Variants in IQCM observed in about 807,000 individuals in gnomAD.
IQCM encodes the protein IQ domain-containing protein M.
In IQCM, 45 loss-of-function variants were observed where a neutral mutation model predicts 57.6. The ratio of observed to expected loss-of-function variants is 0.78; its 90% CI spans 0.62 to 1.00. The LOEUF is 1.00. IQCM is among the 50% of genes least tolerant of loss of function. The pLI, the probability that IQCM is intolerant of heterozygous loss-of-function variation, is 0.00. For synonymous variants in IQCM, 148 were observed against 158.9 expected, an observed-to-expected ratio of 0.93 and a Z score of 0.51; for missense variants, 468 against 511.6, an observed-to-expected ratio of 0.91 and a Z score of 0.82.
intron 5 of IQCM, among the ~76,000 whole-genome samples, chr4:149,698,179 AAG>A (rs1478489827): frequency 1.3e-5 from 2 of 151,950 alleles, no homozygotes; most frequent in Non-Finnish European, 2.9e-5. Context: ...TTTAACTAAT[AAG>A]TTGTTATTGA....
chr4:149,720,390 A>G (rs1765349927), intron 5 of IQCM, among the ~76,000 whole-genome samples: 1 of 152,216 alleles, frequency 6.6e-6, no homozygotes, highest in Non-Finnish European at 1.5e-5. Flanking sequence ...TTCATATTTA[A>G]GATGCTATTA....
chr4:149,608,266 C>T (rs1167936917), intron 8 of IQCM, among the ~76,000 whole-genome samples: 1 of 151,818 alleles, frequency 6.6e-6, no homozygotes, highest in African/African-American at 2.4e-5. Flanking sequence ...AAATACAAAG[C>T]AAATTTTACC....
At chr4:149,642,064 G>A (rs1758244050) in intron 7 of IQCM, among the ~76,000 whole-genome samples, 1 of 152,110 alleles carries the variant, frequency 6.6e-6, no homozygotes, top group Non-Finnish European at 1.5e-5. Flanking sequence ...GAACGAGGGG[G>A]AAAAGAATCA....
chr4:149,490,249 C>T (rs750390117), intron 12 of IQCM, among the ~76,000 whole-genome samples: 3 of 151,864 alleles, frequency 2.0e-5, no homozygotes, highest in Non-Finnish European at 2.9e-5. Flanking sequence ...ATAGATTTAC[C>T]TATGCAGATA....
intron 7 of IQCM, among the ~76,000 whole-genome samples, chr4:149,632,989 G>A (rs543489488): frequency 4.7e-5 from 7 of 150,006 alleles, no homozygotes; most frequent in Admixed American, 1.3e-4. Context: ...GTGAAACCCC[G>A]TCTCTACTAA....
intron 9 of IQCM, among the ~76,000 whole-genome samples, chr4:149,565,972 A>G (rs1711931851): frequency 6.6e-6 from 1 of 152,208 alleles, no homozygotes; most frequent in Non-Finnish European, 1.5e-5. Context: ...ACTGAGGGAT[A>G]GATGTCTTAT....
chr4:149,717,543 C>T (rs2149845341), intron 5 of IQCM, among the ~76,000 whole-genome samples: 1 of 152,256 alleles, frequency 6.6e-6, no homozygotes, highest in Middle Eastern at 3.4e-3. Context: ...ACATCAATTT[C>T]AGCACACTAT....
chr4:149,362,505 T>G (rs1239461435), intron 13 of IQCM, among the ~76,000 whole-genome samples: 2 of 152,140 alleles, frequency 1.3e-5, no homozygotes, highest in East Asian at 3.9e-4. Context: ...ATTCTCATGA[T>G]AGTAAATAAG....
At chr4:149,506,186 T>C (rs1743795126) in intron 12 of IQCM, among the ~76,000 whole-genome samples, 1 of 152,178 alleles carries the variant, frequency 6.6e-6, no homozygotes, top group African/African-American at 2.4e-5. Flanking sequence ...GGCCATAAAG[T>C]CCTTGGGAAC....
chr4:149,370,664 A>G (rs1012557287), intron 13 of IQCM, among the ~76,000 whole-genome samples: 4 of 152,092 alleles, frequency 2.6e-5, no homozygotes, highest in African/African-American at 9.7e-5. Flanking sequence ...AGACAAGCAA[A>G]CAACCCTCTC....
intron 13 of IQCM, among the ~76,000 whole-genome samples, chr4:149,354,383 A>AAAAAAAAAAAAAC (rs1226571246): frequency 7.6e-6 from 1 of 131,308 alleles, no homozygotes; most frequent in Admixed American, 8.0e-5. Flanking sequence ...AAAAAAAAAA[A>AAAAAAAAAAAAAC]AAAAAACTGA....
intron 8 of IQCM, among the ~76,000 whole-genome samples, chr4:149,618,942 G>A (rs532763102): frequency 1.1e-3 from 165 of 152,090 alleles, no homozygotes; most frequent in Middle Eastern, 3.4e-3. Context: ...ACTAAAAATA[G>A]AACTAACTTC....
chr4:149,395,919 G>A (rs10520020), intron 13 of IQCM, among the ~76,000 whole-genome samples: 21,774 of 151,668 alleles, frequency 0.14, 1,980 homozygotes, highest in South Asian at 0.33. Context: ...CCCAATTAGC[G>A]TTACTTCTGA....
intron 7 of IQCM, among the ~76,000 whole-genome samples, chr4:149,668,518 G>T (rs894711412): frequency 6.6e-6 from 1 of 152,074 alleles, no homozygotes; most frequent in East Asian, 1.9e-4. Context: ...GGGCAGCGGG[G>T]GGCAAGGGGA....
chr4:149,813,045 T>C (rs1318463547), intron 2 of IQCM, among the ~76,000 whole-genome samples: 1 of 152,208 alleles, frequency 6.6e-6, no homozygotes, highest in African/African-American at 2.4e-5. Context: ...ATTAAAATAT[T>C]ACATTTTGTC....
intron 5 of IQCM, among the ~76,000 whole-genome samples, chr4:149,712,910 TGC>T (rs1365838028): frequency 6.6e-6 from 1 of 152,154 alleles, no homozygotes; most frequent in Non-Finnish European, 1.5e-5. Context: ...ACAAATTAAC[TGC>T]CTAGGTCAGG....
intron 8 of IQCM, among the ~76,000 whole-genome samples, chr4:149,611,324 C>T (rs1373224925): frequency 2.0e-5 from 3 of 152,068 alleles, no homozygotes; most frequent in East Asian, 1.9e-4. Flanking sequence ...TCAGCAACCC[C>T]ACTGCTGGGT....
intron 8 of IQCM, among the ~76,000 whole-genome samples, chr4:149,617,323 T>C (rs969349368): frequency 3.3e-5 from 5 of 152,222 alleles, no homozygotes; most frequent in African/African-American, 9.6e-5. Context: ...ATTCCTGTTA[T>C]AGGTGTTGGT....
chr4:149,610,056 C>T (rs114932502), intron 8 of IQCM, among the ~76,000 whole-genome samples: 3,088 of 151,782 alleles, frequency 0.02, 60 homozygotes, highest in African/African-American at 0.049. Context: ...AATCAACTTA[C>T]GAAAATCAGT....
Sources: gnomAD v4.1 joint callset for allele counts (sites outside exome capture counted in the v4.1 genomes callset) on GRCh38, gnomAD v4.1.1 for gene constraint, MANE v1.5 for transcripts, NCBI Gene and HGNC (gene_info 2026-07-23, HGNC 2026-07-21) for gene names.